ZSCAN2: variants seen among roughly 807,000 people sequenced by gnomAD.
The protein encoded by ZSCAN2 is zinc finger and SCAN domain containing 2.
In ZSCAN2, 26 loss-of-function variants were observed where a neutral mutation model predicts 47.8. That is an observed-to-expected ratio of 0.54 (90% CI 0.40 to 0.75). The LOEUF is 0.75. Among genes scored for constraint, ZSCAN2 ranks in the 30% least tolerant of loss-of-function variants. ZSCAN2 has a pLI of 0.00. For synonymous variants in ZSCAN2, 305 were observed against 288.7 expected, an observed-to-expected ratio of 1.06 and a Z score of -0.57; for missense variants, 732 against 785.4, an observed-to-expected ratio of 0.93 and a Z score of 0.81.
chr15:84,606,767 C>T, intron 2 of ZSCAN2: 1 of 1,362,528 alleles, frequency 7.3e-7, no homozygotes, highest in East Asian at 3.0e-5. Flanking sequence ...TAACTGGGCA[C>T]CTGAGATGGG....
Position 84,616,234 on chromosome 15 carries a change from C to G in ZSCAN2, c.407-4368C>G. 5 of 872,028 alleles carry G rather than the reference C, an allele frequency of 5.7e-6. No individual in the cohort carries two copies. The South Asian group carries it at 6.8e-5, about 12-fold the overall frequency. 54.0% of individuals were successfully genotyped at this position (872,028 alleles called of 1,614,324 possible). On this transcript the variant is annotated intron_variant, in intron 2 of 2. Transcript: ENST00000546148. ...CCTGGGTGACAGAGTGAGACTTCAT[C>G]TCAAAAAAATAAATAAATAAATACC...
intron 2 of ZSCAN2, chr15:84,611,579 C>G (rs967598157): frequency 6.6e-6 from 1 of 152,152 alleles, no homozygotes; most frequent in South Asian, 2.1e-4. Flanking sequence ...GAAACCTCAT[C>G]TCTACTAAAA....
intron 2 of ZSCAN2, chr15:84,606,477 T>A: frequency 6.9e-7 from 1 of 1,444,080 alleles, no homozygotes; most frequent in South Asian, 1.1e-5. Flanking sequence ...AAAAAATAAC[T>A]GCATTTTATT....
intron 2 of ZSCAN2, chr15:84,616,427 A>AT (rs1489579336): frequency 8.1e-5 from 127 of 1,574,870 alleles, no homozygotes; most frequent in Admixed American, 5.7e-5. Flanking sequence ...ACAGGAAGTG[A>AT]TTTTCTGCCT....
At chr15:84,617,107 A>G (rs1895710924) in intron 2 of ZSCAN2, among the ~76,000 whole-genome samples, 2 of 123,060 alleles carry the variant, frequency 1.6e-5, no homozygotes, top group African/African-American at 6.4e-5. Flanking sequence ...GGGCAACAAG[A>G]GCGAAACTCT....
chr15:84,603,523 C>T (rs1169038392), intron 1 of ZSCAN2, among the ~76,000 whole-genome samples: 4 of 152,036 alleles, frequency 2.6e-5, no homozygotes, highest in Non-Finnish European at 4.4e-5. Flanking sequence ...CCCCCGCCAC[C>T]ACGCCCGGCT....
intron 2 of ZSCAN2, among the ~76,000 whole-genome samples, chr15:84,607,055 C>G (rs528031138): frequency 6.6e-6 from 1 of 152,262 alleles, no homozygotes; most frequent in East Asian, 1.9e-4. Context: ...GTTTTTCTGA[C>G]AGGAACCTCT....
intron 2 of ZSCAN2, among the ~76,000 whole-genome samples, chr15:84,612,697 T>C (rs964107277): frequency 5.9e-5 from 9 of 151,988 alleles, no homozygotes; most frequent in African/African-American, 2.2e-4. Context: ...ATCATGCCAC[T>C]GTACTCCGGC....
At chr15:84,608,530 C>CAAAAAAAA (rs1181525313) in intron 2 of ZSCAN2, among the ~76,000 whole-genome samples, 2 of 92,670 alleles carry the variant, frequency 2.2e-5, no homozygotes, top group African/African-American at 4.5e-5. Flanking sequence ...GACTCTGTCT[C>CAAAAAAAA]AAAAAAAAAA....
chr15:84,608,022 G>C (rs528287275), intron 2 of ZSCAN2, among the ~76,000 whole-genome samples: 1 of 152,144 alleles, frequency 6.6e-6, no homozygotes, highest in South Asian at 2.1e-4. Flanking sequence ...TCTCTCTCTT[G>C]GCTTTTTATC....
At chr15:84,606,310 G>C (rs1292048175) in intron 2 of ZSCAN2, 1 of 502,530 alleles carries the variant, frequency 2.0e-6, no homozygotes, top group Admixed American at 3.3e-5. Context: ...AATCCTGTGA[G>C]TGGCTGGCAT....
In ZSCAN2 at chr15:84,617,510, C is replaced by T. The variant is rs181109524; in HGVS notation, c.407-3092C>T. 7.2e-5 allele frequency among the ~76,000 whole-genome samples: 11 copies of T among 152,230 alleles called. No individual in the cohort carries two copies. In the East Asian group the frequency reaches 2.1e-3, roughly 29 times the overall value. On this transcript the variant is annotated intron_variant, in intron 2 of 2. Coordinates refer to ENST00000546148, the MANE Select transcript of ZSCAN2 (RefSeq NM_181877.4). ...TGCCGAGTCAGAGTATACCTTGTGC[C>T]CCTTGTGCCTGTATCTGTCCCCTAG...
Position 84,620,895 on chromosome 15 carries a change from A to C in ZSCAN2, c.700A>C (p.Lys234Gln). 6.2e-7 allele frequency: 1 copy of C among 1,614,206 alleles called. No homozygotes were observed. Among genetic ancestry groups the C allele is most frequent in the Non-Finnish European group, 8.5e-7 (1 of 1,180,038 alleles). The change falls in exon 3 of 3, where the codon AAA becomes CAA. Residue 234 changes from lysine to glutamine, a missense_variant. Physicochemically the swap from Lys to Gln is moderately conservative, Grantham distance 53 (BLOSUM62 1). Transcript: ENST00000546148. The part of the protein sequence containing the change: ...CPQCGKTFSR[K>Q]SHLITHERTH... Reference sequence around the variant, plus strand: ...CCAGTGTGGGAAGACCTTCAGCCGGAAATCCCACCTCATCACACACGAGAG... The same window carrying C: ...CCAGTGTGGGAAGACCTTCAGCCGGCAATCCCACCTCATCACACACGAGAG...
chr15:84,618,935 AAC>A (rs1284164460), intron 2 of ZSCAN2, among the ~76,000 whole-genome samples: 1 of 152,052 alleles, frequency 6.6e-6, no homozygotes, highest in Admixed American at 6.6e-5. Context: ...CTATTCAGTA[AAC>A]ACAGTTCTGC....
At chr15:84,610,165 G>T (rs1326854166) in intron 2 of ZSCAN2, among the ~76,000 whole-genome samples, 1 of 152,218 alleles carries the variant, frequency 6.6e-6, no homozygotes, top group East Asian at 1.9e-4. Flanking sequence ...CTGTTCCAGT[G>T]AATGATTTTT....
chr15:84,606,497 A>C (rs1179553579), intron 2 of ZSCAN2: 4 of 1,560,334 alleles, frequency 2.6e-6, no homozygotes, highest in Non-Finnish European at 3.5e-6. Context: ...TCCTTCTATT[A>C]AAATAAGCAA....
At chr15:84,617,695 G>C (rs1273758785) in intron 2 of ZSCAN2, among the ~76,000 whole-genome samples, 12 of 152,182 alleles carry the variant, frequency 7.9e-5, no homozygotes, top group Admixed American at 7.9e-4. Flanking sequence ...CCAGCACTTT[G>C]GGAGGCCAAG....
At position 84,607,487 on chromosome 15, in the gene ZSCAN2, C is replaced by G. The variant is rs143899208; in HGVS notation, c.406+3154C>G. Among the ~76,000 whole-genome samples, 806 of 151,658 alleles carry G rather than the reference C, an allele frequency of 5.3e-3. 9 individuals are homozygous for G. Among genetic ancestry groups the G allele is most frequent in the African/African-American group, 0.018 (762 of 41,358 alleles). On this transcript the variant is annotated intron_variant, in intron 2 of 2. Transcript: ENST00000546148. ...CCATTCAGACCAGATCTTGCTCTTT[C>G]TTGAACACAGCCTGTGCTTTTGTTT...
intron 2 of ZSCAN2, chr15:84,606,697 C>A (rs1314898875): frequency 2.7e-6 from 4 of 1,505,620 alleles, no homozygotes; most frequent in Admixed American, 2.4e-5. Context: ...CAGCAGGTGT[C>A]AGAGGTGATT....
Sources: gnomAD v4.1 joint callset for allele counts (sites outside exome capture counted in the v4.1 genomes callset) on GRCh38, gnomAD v4.1.1 for gene constraint, MANE v1.5 for transcripts, NCBI Gene and HGNC (gene_info 2026-07-23, HGNC 2026-07-21) for gene names.